RBP3: variants seen among roughly 807,000 people sequenced by gnomAD.
RBP3 encodes the protein retinol-binding protein 3.
RBP3 carries 50 observed loss-of-function variants against 64.8 expected under a neutral mutation model. The observed-to-expected ratio is 0.77, with a 90% CI of 0.61 to 0.98. RBP3 has a LOEUF of 0.98. Ranked by LOEUF, RBP3 falls within the 50% of genes least tolerant of loss-of-function variation. RBP3 has a pLI of 0.00. For synonymous variants in RBP3, 828 were observed against 730.2 expected, an observed-to-expected ratio of 1.13 and a Z score of -2.16; for missense variants, 1,712 against 1,660.5, an observed-to-expected ratio of 1.03 and a Z score of -0.54.
At chr10:47,355,680 G>A (rs1555211938) in intron 3 of RBP3, among the ~76,000 whole-genome samples, 162 bp downstream of exon 3, 1 of 152,094 alleles carries the variant, frequency 6.6e-6, no homozygotes, top group Non-Finnish European at 1.5e-5. Context: ...TGAAAAGCAT[G>A]TATCACTATG....
rs1555210863 is a variant in RBP3, at chr10:47,348,661, T to C, written c.177T>C (p.His59=). ...CCATCCAGCAGGCCATCAAGAGCCA[T>C]GAGATTCTGAGCATCTCAGACCCGC... The part of the protein sequence containing the change: ...QEAIQQAIKS[H]EILSISDPQT... Residue 59 remains histidine (H), a synonymous_variant, in exon 1 of 4, where the codon CAT becomes CAC. Transcript: ENST00000584701. The C allele has an allele frequency of 1.9e-6, 3 of 1,613,184 alleles. No homozygotes were observed. Among genetic ancestry groups the C allele is most frequent in the East Asian group, 2.2e-5 (1 of 44,872 alleles).
chr10:47,350,757 A>G lies in RBP3; in HGVS notation c.2273A>G (p.Lys758Arg), dbSNP rs1836956908. Residue 758 changes from lysine to arginine, a missense_variant, in exon 1 of 4, where the codon AAG becomes AGG. Physicochemically the swap from Lys to Arg is conservative, Grantham distance 26. Transcript: ENST00000584701. Reference sequence around the variant, plus strand: ...GCCATGGCTGAACTGGAGACAGTGAAGGCCGTGGGGCCACAGCTGGTGCGG... The same window carrying G: ...GCCATGGCTGAACTGGAGACAGTGAGGGCCGTGGGGCCACAGCTGGTGCGG... Reference protein sequence around the residue: ...FDAMAELETVKAVGPQLVRLV... With the variant: ...FDAMAELETVRAVGPQLVRLV... The G allele has an allele frequency of 6.2e-7, 1 of 1,613,200 alleles. No homozygotes were observed. Among genetic ancestry groups the G allele is most frequent in the Admixed American group, 1.7e-5 (1 of 60,026 alleles).
Position 47,353,339 on chromosome 10 carries a change from A to C in RBP3, c.3069A>C (p.Glu1023Asp). ...GIVPMQIPSP[E>D]VFEELIKFSF... ...AACTCTTACAGATCCCTTCCCCTGAAGTATTTGAAGAGCTGATCAAGTTTT... is the reference window on the plus strand; with the variant it reads ...AACTCTTACAGATCCCTTCCCCTGACGTATTTGAAGAGCTGATCAAGTTTT... The change falls in exon 2 of 4, where the codon GAA (glutamate) becomes GAC (aspartate). Residue 1023 changes from glutamate (E) to aspartate (D), a missense_variant. Glu to Asp is a conservative substitution (Grantham distance 45). Coordinates refer to ENST00000584701, the MANE Select transcript of RBP3 (RefSeq NM_002900.3). 6.2e-7 allele frequency: 1 copy of C among 1,613,962 alleles called. No homozygotes were observed. Among genetic ancestry groups the C allele is most frequent in the Admixed American group, 1.7e-5 (1 of 60,028 alleles).
chr10:47,353,670 C>G (rs1222210575), intron 2 of RBP3, among the ~76,000 whole-genome samples, 155 bp downstream of exon 2: 1 of 152,232 alleles, frequency 6.6e-6, no homozygotes, highest in Non-Finnish European at 1.5e-5. Flanking sequence ...CTTCGGCCAG[C>G]TAGCCCAGCA....
rs141164272 is a variant in RBP3 at position 47,350,831 on chromosome 10, C to T, written c.2347C>T (p.Arg783Cys). 77 of 1,612,922 alleles carry T rather than the reference C, an allele frequency of 4.8e-5. No homozygotes were observed. The highest frequency in any genetic ancestry group is 2.0e-4 in the South Asian group (18 of 91,080). The part of the protein sequence containing the change: ...VDTAALVIDL[R>C]YNPGSYSTAI... ...CACGGCTGCGCTGGTGATCGACCTG[C>T]GCTACAACCCTGGCAGCTACTCCAC... is the stretch of plus-strand genomic sequence containing the variant. The change falls in exon 1 of 4, where the codon CGC becomes TGC. Residue 783 changes from arginine (R) to cysteine (C), a missense_variant. Arg to Cys is a radical substitution (Grantham distance 180). Transcript: ENST00000584701.
At position 47,349,655 on chromosome 10, in the gene RBP3, G is replaced by C. The variant is rs142210499; in HGVS notation, c.1171G>C (p.Gly391Arg). 1.4e-5 allele frequency: 22 copies of C among 1,612,054 alleles called. No homozygotes were observed. The South Asian group carries it at 2.3e-4, about 17-fold the overall frequency. Residue 391 changes from glycine (G) to arginine (R), a missense_variant, in exon 1 of 4, where the codon GGG (glycine) becomes CGG (arginine). Coordinates refer to ENST00000584701, the MANE Select transcript of RBP3 (RefSeq NM_002900.3). ...EDPRLLVRAI[G>R]PTETPSWPAP... ...TCCCAGGCTCCTGGTGCGAGCCATCGGGCCCACAGAAACTCCTTCTTGGCC... is the reference window on the plus strand; with the variant it reads ...TCCCAGGCTCCTGGTGCGAGCCATCCGGCCCACAGAAACTCCTTCTTGGCC...
intron 2 of RBP3, among the ~76,000 whole-genome samples, chr10:47,354,776 C>T (rs1301479701): frequency 1.3e-5 from 2 of 152,152 alleles, no homozygotes; most frequent in African/African-American, 2.4e-5. Context: ...GGACGAGGCT[C>T]CTTAACACAT....
Position 47,355,496 on chromosome 10 carries a change from C to A in RBP3, c.3366C>A (p.Leu1122=), listed in dbSNP as rs782295369. 1 of 1,614,226 alleles carries A rather than the reference C, an allele frequency of 6.2e-7. No homozygotes were observed. The highest frequency in any genetic ancestry group is 2.2e-5 in the East Asian group (1 of 44,882). ...YSRPDDSVSE[L]WTHAQVVGER... ...GGCCTGATGACTCTGTCAGTGAACT[C>A]TGGACACACGCCCAGGTTGTAGGTA... The change falls in exon 3 of 4, where the codon CTC becomes CTA. Residue 1122 remains leucine (L), a synonymous_variant. Coordinates refer to ENST00000584701, the MANE Select transcript of RBP3 (RefSeq NM_002900.3).
At position 47,348,786 on chromosome 10, in the gene RBP3, A is replaced by G; in HGVS notation, c.302A>G (p.Gln101Arg). 4 of 1,613,490 alleles carry G rather than the reference A, an allele frequency of 2.5e-6. No homozygotes were observed. Among genetic ancestry groups the G allele is most frequent in the Non-Finnish European group, 3.4e-6 (4 of 1,179,958 alleles). Residue 101 changes from glutamine (Q) to arginine (R), a missense_variant, in exon 1 of 4, where the codon CAA becomes CGA. By Grantham distance (43) the Gln-to-Arg change is conservative. Transcript: ENST00000584701. ...CCCAGCACCCCCGAGCCTCCCCCACAAGTCCCAGCACTCACCAGCCTCTCA... is the reference window on the plus strand; with the variant it reads ...CCCAGCACCCCCGAGCCTCCCCCACGAGTCCCAGCACTCACCAGCCTCTCA... ...YEPSTPEPPP[Q>R]VPALTSLSEE...
At chr10:47,352,417 T>C (rs1278104950) in intron 1 of RBP3, among the ~76,000 whole-genome samples, 1 of 152,168 alleles carries the variant, frequency 6.6e-6, no homozygotes, top group Non-Finnish European at 1.5e-5. Context: ...GGCTGTGCTA[T>C]AGGAGAGCCT....
chr10:47,349,026 C>G lies in RBP3; in HGVS notation c.542C>G (p.Pro181Arg). ...ACAGGAGGCCAGGTCTCTGGCATTC[C>G]CTACATCATCTCCTACCTGCACCCA... is the stretch of plus-strand genomic sequence containing the variant. Reference protein sequence around the residue: ...HCTGGQVSGIPYIISYLHPGN... With the variant: ...HCTGGQVSGIRYIISYLHPGN... The change falls in exon 1 of 4, where the codon CCC (proline) becomes CGC (arginine). Residue 181 changes from proline (P) to arginine (R), a missense_variant. Pro to Arg is a moderately radical substitution (Grantham distance 103). Transcript: ENST00000584701. The G allele has an allele frequency of 6.2e-7, 1 of 1,614,030 alleles. No homozygotes were observed. Among genetic ancestry groups the G allele is most frequent in the African/African-American group, 1.3e-5 (1 of 75,022 alleles).
intron 2 of RBP3, among the ~76,000 whole-genome samples, chr10:47,354,849 C>G (rs1481600567): frequency 6.6e-6 from 1 of 152,150 alleles, no homozygotes; most frequent in Non-Finnish European, 1.5e-5. Context: ...ATCTAAATGG[C>G]CTGGGAGAAA....
Position 47,357,528 on chromosome 10 carries a change from G to C in RBP3, c.*71G>C. 2.1e-6 allele frequency: 3 copies of C among 1,439,668 alleles called. No individual in the cohort carries two copies. Among genetic ancestry groups the C allele is most frequent in the Non-Finnish European group, 2.8e-6 (3 of 1,053,100 alleles). 89.2% of individuals were successfully genotyped at this position (1,439,668 alleles called of 1,614,324 possible). A position where few individuals can be genotyped will look rare whatever the true frequency, so the allele number is the denominator to read the frequency against. On this transcript the variant is annotated 3_prime_UTR_variant, in exon 4 of 4. Coordinates refer to ENST00000584701, the MANE Select transcript of RBP3 (RefSeq NM_002900.3). ...GACACACACCAAGGGCACTCCTGCA[G>C]GTGGCCCGGCCTGAGGTTCCCAGGA...
Position 47,349,412 on chromosome 10 carries a change from G to C in RBP3, c.928G>C (p.Glu310Gln). The C allele has an allele frequency of 6.2e-7, 1 of 1,611,886 alleles. No homozygotes were observed. The highest frequency in any genetic ancestry group is 1.7e-5 in the Admixed American group (1 of 60,004). The change falls in exon 1 of 4, where the codon GAG (glutamate) becomes CAG (glutamine). Residue 310 changes from glutamate to glutamine, a missense_variant. Transcript: ENST00000584701. ...GCTGCCCTGTGTGGGGACTCCGGCC[G>C]AGCAGGCCCTGGAGAAAGCCCTGGC... The part of the protein sequence containing the change: ...GVLPCVGTPA[E>Q]QALEKALAIL...
rs782029087 is a variant in RBP3 at position 47,349,349 on chromosome 10, C to T, written c.865C>T (p.Leu289Phe). 107 of 1,612,432 alleles carry T rather than the reference C, an allele frequency of 6.6e-5. No individual in the cohort carries two copies. Among genetic ancestry groups the T allele is most frequent in the Middle Eastern group, 6.6e-4 (4 of 6,062 alleles). ...TVPVSRSLGP[L>F]GGGSQTWEGS... The stretch of plus-strand genomic sequence containing the variant: ...GCCCGTGTCCAGGTCCCTGGGGCCC[C>T]TTGGTGGAGGCAGCCAGACGTGGGA... Residue 289 changes from leucine (L) to phenylalanine (F), a missense_variant, in exon 1 of 4, where the codon CTT becomes TTT. Transcript: ENST00000584701.
chr10:47,357,526 C>A lies in RBP3; in HGVS notation c.*69C>A. The A allele has an allele frequency of 6.9e-7, 1 of 1,453,012 alleles. No individual in the cohort carries two copies. The highest frequency in any genetic ancestry group is 9.4e-7 in the Non-Finnish European group (1 of 1,064,382). The allele number at this position is 1,453,012 out of a possible 1,614,324, so 90.0% of individuals were successfully genotyped here. A position where few individuals can be genotyped will look rare whatever the true frequency, so the allele number is the denominator to read the frequency against. On this transcript the variant is annotated 3_prime_UTR_variant, in exon 4 of 4. Transcript: ENST00000584701. ...GGGACACACACCAAGGGCACTCCTG[C>A]AGGTGGCCCGGCCTGAGGTTCCCAG... is the stretch of plus-strand genomic sequence containing the variant.
At position 47,348,514 on chromosome 10, in the gene RBP3, C is replaced by G; in HGVS notation, c.30C>G (p.Ser10=). Reference sequence around the variant, plus strand: ...TGAGAGAATGGGTTCTGCTCATGTCCGTGCTGCTCTGTGGCCTGGCTGGCC... The same window carrying G: ...TGAGAGAATGGGTTCTGCTCATGTCGGTGCTGCTCTGTGGCCTGGCTGGCC... MMREWVLLM[S]VLLCGLAGPT... is the part of the protein sequence containing the mutation. Residue 10 remains serine, a synonymous_variant, in exon 1 of 4, where the codon TCC becomes TCG. Transcript: ENST00000584701. The G allele has an allele frequency of 1.2e-6, 2 of 1,607,772 alleles. No homozygotes were observed. Among genetic ancestry groups the G allele is most frequent in the African/African-American group, 1.3e-5 (1 of 75,036 alleles).
Position 47,349,441 on chromosome 10 carries a change from C to A in RBP3, c.957C>A (p.Ile319=). 6.2e-7 allele frequency: 1 copy of A among 1,612,432 alleles called. No individual in the cohort carries two copies. Among genetic ancestry groups the A allele is most frequent in the Non-Finnish European group, 8.5e-7 (1 of 1,180,014 alleles). Residue 319 remains isoleucine (I), a synonymous_variant, in exon 1 of 4, where the codon ATC becomes ATA. Coordinates refer to ENST00000584701, the MANE Select transcript of RBP3 (RefSeq NM_002900.3). ...AGGCCCTGGAGAAAGCCCTGGCCAT[C>A]CTCACTCTGCGCAGCGCCCTTCCAG... The part of the protein sequence containing the change: ...AEQALEKALA[I]LTLRSALPGV...
chr10:47,348,526 T>C lies in RBP3; in HGVS notation c.42T>C (p.Cys14=), dbSNP rs782242625. Residue 14 remains cysteine (C), a synonymous_variant, in exon 1 of 4, where the codon TGT becomes TGC. Coordinates refer to ENST00000584701, the MANE Select transcript of RBP3 (RefSeq NM_002900.3). ...EWVLLMSVLL[C]GLAGPTHLFQ... The stretch of plus-strand genomic sequence containing the variant: ...TTCTGCTCATGTCCGTGCTGCTCTG[T>C]GGCCTGGCTGGCCCCACACACCTGT... 51 of 1,610,082 alleles carry C rather than the reference T, an allele frequency of 3.2e-5. No homozygotes were observed. In the African/African-American group the frequency reaches 6.4e-4, roughly 20 times the overall value.
Sources: allele counts gnomAD v4.1 joint callset (sites outside exome capture counted in the v4.1 genomes callset), GRCh38; gene constraint gnomAD v4.1.1; transcripts MANE v1.5; gene names NCBI Gene and HGNC (gene_info 2026-07-23, HGNC 2026-07-21).